RAPGEF2: variants seen among roughly 807,000 people sequenced by gnomAD.
RAPGEF2 encodes Rap guanine nucleotide exchange factor 2.
In RAPGEF2, 54 loss-of-function variants were observed where a neutral mutation model predicts 186.7. That is an observed-to-expected ratio of 0.29 (90% CI 0.23 to 0.36). The LOEUF (loss-of-function observed/expected upper bound fraction) is 0.36, where lower values mean the gene tolerates loss of function less well. RAPGEF2 is among the 10% of genes least tolerant of loss of function. RAPGEF2 has a pLI of 1.00. For missense variants in RAPGEF2, 1,532 were observed against 2,045.0 expected, an observed-to-expected ratio of 0.75 and a Z score of 4.84; for synonymous variants, 712 against 705.9, an observed-to-expected ratio of 1.01 and a Z score of -0.14.
chr4:159,149,953 G>A (rs188558999), intron 1 of RAPGEF2, among the ~76,000 whole-genome samples: 12 of 152,180 alleles, frequency 7.9e-5, no homozygotes, highest in African/African-American at 2.7e-4. Flanking sequence ...ACAGGCACAG[G>A]TGGAGGTTGG....
At chr4:159,228,418 T>C (rs2053454215) in intron 4 of RAPGEF2, 1 of 152,222 alleles carries the variant, frequency 6.6e-6, no homozygotes, top group Non-Finnish European at 1.5e-5. Context: ...TGTTTAGTGC[T>C]TGTTAAATAG....
chr4:159,119,056 T>C (rs115907467), intron 1 of RAPGEF2, among the ~76,000 whole-genome samples: 1 of 152,198 alleles, frequency 6.6e-6, no homozygotes, highest in Non-Finnish European at 1.5e-5. Context: ...ATATGTTGAT[T>C]TGATAGACTT....
Position 159,104,069 on chromosome 4 carries a change from GGGC to G in RAPGEF2, c.-92_-90del. On this transcript the variant is annotated 5_prime_UTR_variant, in exon 1 of 30. Transcript: ENST00000691494. ...GCTGATTAGTCGCGGGCGGGCGGGCGGGCGCAGCGCGCAGGGCGGAGGCAGCAG... is the reference window on the plus strand; with the variant it reads ...GCTGATTAGTCGCGGGCGGGCGGGCGGCAGCGCGCAGGGCGGAGGCAGCAG... 1 of 689,254 alleles carries G rather than the reference GGGC, an allele frequency of 1.5e-6. No individual in the cohort carries two copies. The highest frequency in any genetic ancestry group is 1.9e-6 in the Non-Finnish European group (1 of 529,956). 42.7% of individuals were successfully genotyped at this position (689,254 alleles called of 1,614,324 possible).
At chr4:159,256,342 T>G (rs1449229944) in intron 7 of RAPGEF2, among the ~76,000 whole-genome samples, 2 of 152,228 alleles carry the variant, frequency 1.3e-5, no homozygotes, top group African/African-American at 4.8e-5. Flanking sequence ...GATAATAGCT[T>G]CTAGCTCCAT....
At chr4:159,338,014 G>A (rs1299089061) in intron 17 of RAPGEF2, among the ~76,000 whole-genome samples, 2 of 151,946 alleles carry the variant, frequency 1.3e-5, no homozygotes, top group Non-Finnish European at 2.9e-5. Flanking sequence ...TAGCACTTTG[G>A]GAGGCCACAG....
At chr4:159,118,811 C>T (rs1321368766) in intron 1 of RAPGEF2, among the ~76,000 whole-genome samples, 2 of 152,154 alleles carry the variant, frequency 1.3e-5, no homozygotes, top group East Asian at 3.9e-4. Flanking sequence ...TCTTGGATTT[C>T]TGACCTCAGG....
intron 7 of RAPGEF2, among the ~76,000 whole-genome samples, chr4:159,251,925 C>T (rs1755474546): frequency 6.6e-6 from 1 of 152,002 alleles, no homozygotes; most frequent in African/African-American, 2.4e-5. Context: ...GGGTCTGCCA[C>T]GTCTTTAAGA....
At chr4:159,330,122 T>C in intron 12 of RAPGEF2, 112 bp downstream of exon 12, 1 of 1,150,868 alleles carries the variant, frequency 8.7e-7, no homozygotes. Context: ...AGGTTATCAG[T>C]TGTGAAAAAT....
chr4:159,132,330 C>T (rs1396349619), intron 1 of RAPGEF2, among the ~76,000 whole-genome samples: 3 of 152,142 alleles, frequency 2.0e-5, no homozygotes, highest in Non-Finnish European at 4.4e-5. Flanking sequence ...TTAAGTTCTT[C>T]CGAAATTCTA....
chr4:159,291,135 T>C (rs1446169918), intron 7 of RAPGEF2, among the ~76,000 whole-genome samples: 1 of 152,184 alleles, frequency 6.6e-6, no homozygotes, highest in Non-Finnish European at 1.5e-5. Context: ...AGCTCAGTTG[T>C]AATACCCGTC....
chr4:159,104,424 C>CCTT (rs1054193190), intron 1 of RAPGEF2, among the ~76,000 whole-genome samples, 193 bp downstream of exon 1: 9 of 151,180 alleles, frequency 6.0e-5, no homozygotes, highest in Admixed American at 3.9e-4. Context: ...TTTTCCCTCT[C>CCTT]CTTGACATTC....
At chr4:159,268,343 G>A (rs1579685952) in intron 7 of RAPGEF2, 1 of 686,662 alleles carries the variant, frequency 1.5e-6, no homozygotes, top group East Asian at 2.9e-5. Context: ...TGCTTGGAGA[G>A]GAGGGGAGGG....
chr4:159,130,397 C>T (rs1199934324), intron 1 of RAPGEF2, among the ~76,000 whole-genome samples: 1 of 152,108 alleles, frequency 6.6e-6, no homozygotes, highest in Non-Finnish European at 1.5e-5. Context: ...AGGGTCTTGC[C>T]CTGTCACCTA....
chr4:159,164,859 T>C (rs921354893), intron 1 of RAPGEF2, among the ~76,000 whole-genome samples: 1 of 152,236 alleles, frequency 6.6e-6, no homozygotes, highest in Non-Finnish European at 1.5e-5. Context: ...TTCCAGCGTA[T>C]TTTGTGACTT....
At chr4:159,293,944 C>A (rs1290636560) in intron 7 of RAPGEF2, among the ~76,000 whole-genome samples, 2 of 152,164 alleles carry the variant, frequency 1.3e-5, no homozygotes, top group African/African-American at 2.4e-5. Context: ...TCTAACTGTT[C>A]ATACTCCAGT....
In RAPGEF2 at chr4:159,267,948, A is replaced by AAC. The variant is rs1392291711; in HGVS notation, c.543+24160_543+24161dup. The AAC allele has an allele frequency of 4.5e-6, 6 of 1,346,852 alleles. No individual in the cohort carries two copies. In the African/African-American group the frequency reaches 7.4e-5, roughly 17 times the overall value. The allele number at this position is 1,346,852 out of a possible 1,614,324, so 83.4% of individuals were successfully genotyped here. A position where few individuals can be genotyped will look rare whatever the true frequency, so the allele number is the denominator to read the frequency against. ...TTTCAATGTTATAAAAATGGAGACG[A>AAC]ACACTGTTGTTCGGATTCCTTTTCT... On this transcript the variant is annotated intron_variant, in intron 7 of 29. Transcript: ENST00000691494.
chr4:159,340,312 G>A (rs1289328517), intron 19 of RAPGEF2, among the ~76,000 whole-genome samples: 1 of 151,984 alleles, frequency 6.6e-6, no homozygotes, highest in Non-Finnish European at 1.5e-5. Flanking sequence ...TGTTTTAGTA[G>A]CTCTGTTTTT....
chr4:159,277,844 G>A (rs978055236), intron 7 of RAPGEF2, among the ~76,000 whole-genome samples: 9 of 152,130 alleles, frequency 5.9e-5, no homozygotes, highest in African/African-American at 2.2e-4. Flanking sequence ...CAGATGGATA[G>A]ATTGCAAAAA....
intron 7 of RAPGEF2, among the ~76,000 whole-genome samples, chr4:159,250,574 C>T (rs1460222315): frequency 2.0e-5 from 3 of 151,046 alleles, no homozygotes; most frequent in Non-Finnish European, 2.9e-5. Flanking sequence ...TTTGTGGTTT[C>T]AATACAATGC....
Sources: allele counts gnomAD v4.1 joint callset (sites outside exome capture counted in the v4.1 genomes callset), GRCh38; gene constraint gnomAD v4.1.1; transcripts MANE v1.5; gene names NCBI Gene and HGNC (gene_info 2026-07-23, HGNC 2026-07-21).